ARHGAP6: variants seen among roughly 807,000 people sequenced by gnomAD.
The protein encoded by ARHGAP6 is Rho GTPase activating protein 6, also known as rho GTPase-activating protein 6.
Under a neutral mutation model 55.7 loss-of-function variants are expected in ARHGAP6, and 16 were observed. That is an observed-to-expected ratio of 0.29 (90% confidence interval 0.19 to 0.44). The LOEUF (loss-of-function observed/expected upper bound fraction) is 0.44, where lower values mean the gene tolerates loss of function less well. Among genes scored for constraint, ARHGAP6 ranks in the 20% least tolerant of loss-of-function variants. The probability of loss-of-function intolerance (pLI) is 1.00; values close to 1 mark genes in which losing one functional copy is unlikely to be tolerated. For missense variants in ARHGAP6, 698 were observed against 808.9 expected, an observed-to-expected ratio of 0.86 and a Z score of 1.66; for synonymous variants, 382 against 360.9, an observed-to-expected ratio of 1.06 and a Z score of -0.66.
At chrX:11,301,717 T>G (rs867004694) in intron 1 of ARHGAP6, among the ~76,000 whole-genome samples, 1 of 112,061 alleles carries the variant, frequency 8.9e-6, no homozygotes, top group Admixed American at 9.5e-5. Flanking sequence ...TTAAGCACAC[T>G]CTAGGGCAAG....
intron 2 of ARHGAP6, among the ~76,000 whole-genome samples, chrX:11,244,757 CAGTGACAGAAGTT>C (rs1195308086): frequency 8.9e-6 from 1 of 112,061 alleles, no homozygotes; most frequent in East Asian, 2.8e-4. Context: ...TCAGAAACTG[CAGTGACAGAAGTT>C]TTGGTCAAGA....
chrX:11,616,951 T>C (rs938112223), intron 1 of ARHGAP6, among the ~76,000 whole-genome samples: 2 of 112,019 alleles, frequency 1.8e-5, no homozygotes, highest in Admixed American at 1.9e-4. Flanking sequence ...TTAGCCATCA[T>C]ATCACATTCT....
At chrX:11,613,465 G>A (rs2052127193) in intron 1 of ARHGAP6, among the ~76,000 whole-genome samples, 1 of 111,975 alleles carries the variant, frequency 8.9e-6, no homozygotes, top group African/African-American at 3.2e-5. Context: ...CTCTACTTTT[G>A]AGACCCACAG....
intron 1 of ARHGAP6, among the ~76,000 whole-genome samples, chrX:11,421,082 C>T (rs958585213): frequency 3.6e-5 from 4 of 111,506 alleles, no homozygotes; most frequent in African/African-American, 1.3e-4. Flanking sequence ...GGACCACCAA[C>T]ACCCTCTCCA....
In ARHGAP6 at chrX:11,201,292, C is replaced by G. The variant is rs1290554407; in HGVS notation, c.749-4296G>C. On this transcript the variant is annotated intron_variant, in intron 2 of 12. Coordinates refer to ENST00000337414, the MANE Select transcript of ARHGAP6 (RefSeq NM_013427.3). ...ATCTCATCTGACCACCACAACTTCC[C>G]TGTGATACAGCACACAGTAGTAATA... 2.7e-5 allele frequency among the ~76,000 whole-genome samples: 3 copies of G among 112,158 alleles called. No homozygotes were observed. The Admixed American group carries it at 2.8e-4, about 11-fold the overall frequency.
Position 11,657,507 on chromosome X carries a change from C to T in ARHGAP6, c.588+6734G>A, listed in dbSNP as rs564014612. Among the ~76,000 whole-genome samples the T allele has an allele frequency of 4.0e-3, 438 of 108,959 alleles. 1 individual carries two copies. The highest frequency in any genetic ancestry group is 0.012 in the South Asian group (29 of 2,517). 94.6% of individuals were successfully genotyped at this position (108,959 alleles called of 115,157 possible). A position where few individuals can be genotyped will look rare whatever the true frequency, so the allele number is the denominator to read the frequency against. On this transcript the variant is annotated intron_variant, in intron 1 of 12. Transcript: ENST00000337414. ...TAAACCTAGGCAAGCAGAAGAAGAG[C>T]GATACCAACCAAAATAAGGAATACA...
At chrX:11,153,920 G>A (rs759341811) in intron 10 of ARHGAP6, among the ~76,000 whole-genome samples, 14 of 110,372 alleles carry the variant, frequency 1.3e-4, no homozygotes, top group African/African-American at 3.6e-4. Flanking sequence ...CCATTAACTC[G>A]TCATTTAGCA....
At chrX:11,504,393 C>G (rs2050711147) in intron 1 of ARHGAP6, among the ~76,000 whole-genome samples, 1 of 111,042 alleles carries the variant, frequency 9.0e-6, no homozygotes, top group African/African-American at 3.3e-5. Flanking sequence ...ACCTCTTCCC[C>G]CCAGGTGCCA....
chrX:11,309,204 C>T (rs1003494897), intron 1 of ARHGAP6, among the ~76,000 whole-genome samples: 2 of 111,808 alleles, frequency 1.8e-5, no homozygotes, highest in Admixed American at 1.9e-4. Flanking sequence ...GCAGTAGGCA[C>T]GAAACACAGA....
intron 1 of ARHGAP6, among the ~76,000 whole-genome samples, chrX:11,499,980 C>T (rs994337162): frequency 1.8e-5 from 2 of 112,026 alleles, no homozygotes; most frequent in African/African-American, 6.5e-5. Flanking sequence ...ACCTAGGTCT[C>T]GTGGGTTTTT....
chrX:11,489,403 C>G (rs888738366), intron 1 of ARHGAP6, among the ~76,000 whole-genome samples: 2 of 112,270 alleles, frequency 1.8e-5, no homozygotes, highest in African/African-American at 6.5e-5. Context: ...AAGAAACAAT[C>G]TGTCTTCTTC....
intron 1 of ARHGAP6, among the ~76,000 whole-genome samples, chrX:11,460,797 G>A (rs1346816155): frequency 2.7e-5 from 3 of 111,841 alleles, no homozygotes; most frequent in East Asian, 2.8e-4. Context: ...TACTAGCTGT[G>A]TGACTACAGG....
At chrX:11,361,409 G>T (rs1208896256) in intron 1 of ARHGAP6, among the ~76,000 whole-genome samples, 10 of 110,829 alleles carry the variant, frequency 9.0e-5, no homozygotes, top group African/African-American at 1.6e-4. Flanking sequence ...GGGGAAAGGA[G>T]TCCCTATTTA....
intron 1 of ARHGAP6, among the ~76,000 whole-genome samples, chrX:11,623,834 T>C: frequency 9.0e-6 from 1 of 111,675 alleles, no homozygotes; most frequent in Middle Eastern, 4.6e-3. Context: ...TTCAATGCAA[T>C]CCCTATCAAA....
intron 1 of ARHGAP6, among the ~76,000 whole-genome samples, chrX:11,399,219 T>C (rs1376991740): frequency 9.0e-6 from 1 of 110,649 alleles, no homozygotes; most frequent in Admixed American, 9.6e-5. Context: ...GCAAAGGCTA[T>C]ACCTTGAATA....
intron 1 of ARHGAP6, among the ~76,000 whole-genome samples, chrX:11,515,592 AAT>A (rs2050830388): frequency 2.7e-5 from 3 of 111,943 alleles, no homozygotes; most frequent in African/African-American, 9.7e-5. Context: ...TACCATTTAA[AAT>A]ATGTTTTTGG....
At chrX:11,515,879 T>C (rs1036945391) in intron 1 of ARHGAP6, among the ~76,000 whole-genome samples, 3 of 112,806 alleles carry the variant, frequency 2.7e-5, no homozygotes, top group African/African-American at 3.2e-5. Context: ...AAGACTAAAT[T>C]ACTAAAATGG....
At chrX:11,520,479 A>T (rs2050910806) in intron 1 of ARHGAP6, among the ~76,000 whole-genome samples, 1 of 109,096 alleles carries the variant, frequency 9.2e-6, no homozygotes, top group Non-Finnish European at 1.9e-5. Flanking sequence ...TGTCCCTACA[A>T]AGGACATGAA....
At chrX:11,236,972 G>A (rs922406368) in intron 2 of ARHGAP6, among the ~76,000 whole-genome samples, 5 of 112,323 alleles carry the variant, frequency 4.5e-5, no homozygotes, top group African/African-American at 6.5e-5. Flanking sequence ...GTAAAACAGC[G>A]GACATCCATT....
Sources: allele counts gnomAD v4.1 joint callset (sites outside exome capture counted in the v4.1 genomes callset), GRCh38; gene constraint gnomAD v4.1.1; transcripts MANE v1.5; gene names NCBI Gene and HGNC (gene_info 2026-07-23, HGNC 2026-07-21).